B3GALT5: variants seen among roughly 807,000 people sequenced by gnomAD.
The protein encoded by B3GALT5 is UDP-Gal:betaGlcNAc beta 1,3-galactosyltransferase, polypeptide 5.
For missense variants in B3GALT5, 328 were observed against 396.6 expected (o/e 0.83, Z 1.47); for synonymous variants, 156 against 158.6 (o/e 0.98, Z 0.12).
rs777709959 is a variant in B3GALT5, at chr21:39,615,725, G to A, written c.-392+2658G>A. ...TTAATTGAAATTGAAGAGAATAATA[G>A]TACTTATTTCATAGGGGTGGTTGTG... On this transcript the variant is annotated intron_variant, in intron 1 of 3. Transcript: ENST00000684187. Among the ~76,000 whole-genome samples the A allele has an allele frequency of 1.6e-4, 25 of 152,162 alleles. 1 individual carries two copies. The highest frequency in any genetic ancestry group is 2.5e-4 in the Non-Finnish European group (17 of 68,030).
chr21:39,640,592 T>C (rs1234321522), intron 1 of B3GALT5, among the ~76,000 whole-genome samples: 2 of 152,204 alleles, frequency 1.3e-5, no homozygotes, highest in East Asian at 3.8e-4. Flanking sequence ...TAAACAATTA[T>C]TTGCCCAGCC....
chr21:39,627,983 C>G (rs536050378), intron 1 of B3GALT5, among the ~76,000 whole-genome samples: 1 of 152,262 alleles, frequency 6.6e-6, no homozygotes, highest in South Asian at 2.1e-4. Flanking sequence ...GGCATTTATA[C>G]TAGTCACAAA....
At chr21:39,624,738 T>C (rs1012600126) in intron 1 of B3GALT5, among the ~76,000 whole-genome samples, 10 of 152,166 alleles carry the variant, frequency 6.6e-5, no homozygotes, top group African/African-American at 2.4e-4. Flanking sequence ...TTTTTCAGAA[T>C]TTGGCTTCTT....
chr21:39,621,617 A>G (rs1175492323), intron 1 of B3GALT5, among the ~76,000 whole-genome samples: 1 of 151,934 alleles, frequency 6.6e-6, no homozygotes, highest in African/African-American at 2.4e-5. Context: ...TTGTTTATTC[A>G]GGTTCTATTC....
Position 39,648,174 on chromosome 21 carries a change from A to G in B3GALT5, c.-161+1552A>G, listed in dbSNP as rs192138200. ...ACACTGTGGACGAAATTGTTCAAAT[A>G]AAATCATTCAGTGTTATTTGGGTTA... On this transcript the variant is annotated intron_variant, in intron 2 of 3. Transcript: ENST00000684187. Among the ~76,000 whole-genome samples, 285 of 152,360 alleles carry G rather than the reference A, an allele frequency of 1.9e-3. 4 individuals carry two copies. Among genetic ancestry groups the G allele is most frequent in the African/African-American group, 6.2e-3 (256 of 41,586 alleles).
chr21:39,623,835 C>G (rs1055650400), intron 1 of B3GALT5, among the ~76,000 whole-genome samples: 1 of 152,166 alleles, frequency 6.6e-6, no homozygotes, highest in Non-Finnish European at 1.5e-5. Context: ...CTCATATTTT[C>G]AATTCTGGAA....
In B3GALT5 at chr21:39,665,615, T is replaced by C. The variant is rs2079571148; in HGVS notation, c.*4123T>C. 1 of 152,338 alleles carries C rather than the reference T, an allele frequency of 6.6e-6. No individual in the cohort carries two copies. The highest frequency in any genetic ancestry group is 2.1e-4 in the South Asian group (1 of 4,822). 9.4% of individuals were successfully genotyped at this position (152,338 alleles called of 1,614,324 possible). ...CCCTATGTGCCCATCCCCGTCAGCC[T>C]TGGCACTGGCTGTCCTCTCTGCTGG... On this transcript the variant is annotated 3_prime_UTR_variant, in exon 4 of 4. Coordinates refer to ENST00000684187, the MANE Select transcript of B3GALT5 (RefSeq NM_001356336.2).
At chr21:39,653,017 T>TTTTTACATATA (rs1569218231) in intron 2 of B3GALT5, among the ~76,000 whole-genome samples, 4 of 152,068 alleles carry the variant, frequency 2.6e-5, no homozygotes, top group Admixed American at 2.0e-4. Flanking sequence ...GCTCAATGAG[T>TTTTTACATATA]TTTTACATAT....
At chr21:39,653,997 A>T (rs895130646) in intron 2 of B3GALT5, among the ~76,000 whole-genome samples, 4 of 152,172 alleles carry the variant, frequency 2.6e-5, no homozygotes, top group Admixed American at 6.5e-5. Flanking sequence ...TTGATACAAT[A>T]ATTTTTTGCA....
chr21:39,656,561 G>A (rs2079446676), intron 2 of B3GALT5, among the ~76,000 whole-genome samples: 2 of 152,156 alleles, frequency 1.3e-5, no homozygotes, highest in Admixed American at 1.3e-4. Context: ...TGGCCTCATA[G>A]TGGGGCTTGG....
At chr21:39,632,429 G>A (rs187399390) in intron 1 of B3GALT5, among the ~76,000 whole-genome samples, 49 of 152,334 alleles carry the variant, frequency 3.2e-4, no homozygotes, top group African/African-American at 1.0e-3. Flanking sequence ...TGCGAGTGGT[G>A]AGTACAGGCT....
chr21:39,633,738 A>T (rs2146192966), intron 1 of B3GALT5, among the ~76,000 whole-genome samples: 1 of 152,348 alleles, frequency 6.6e-6, no homozygotes, highest in African/African-American at 2.4e-5. Context: ...GCATGGATTT[A>T]AGGTGACAGC....
rs577044346 is a variant in B3GALT5, at chr21:39,670,213, G to C, written c.*8721G>C. ...AGCCCGGGGGCGCCACACTCAGACTGTGTGTGTGTGTGTGTGTGTGTGTAT... is the reference window on the plus strand; with the variant it reads ...AGCCCGGGGGCGCCACACTCAGACTCTGTGTGTGTGTGTGTGTGTGTGTAT... On this transcript the variant is annotated 3_prime_UTR_variant, in exon 4 of 4. Coordinates refer to ENST00000684187, the MANE Select transcript of B3GALT5 (RefSeq NM_001356336.2). 7.2e-6 allele frequency: 1 copy of C among 138,258 alleles called. No individual in the cohort carries two copies. Among genetic ancestry groups the C allele is most frequent in the Admixed American group, 6.9e-5 (1 of 14,556 alleles). 8.6% of individuals were successfully genotyped at this position (138,258 alleles called of 1,614,324 possible).
chr21:39,668,005 T>A lies in B3GALT5; in HGVS notation c.*6513T>A, dbSNP rs1024702176. 1 of 152,284 alleles carries A rather than the reference T, an allele frequency of 6.6e-6. No homozygotes were observed. The highest frequency in any genetic ancestry group is 2.4e-5 in the African/African-American group (1 of 41,468). The allele number at this position is 152,284 out of a possible 1,614,324, so 9.4% of individuals were successfully genotyped here. A position where few individuals can be genotyped will look rare whatever the true frequency, so the allele number is the denominator to read the frequency against. ...GGTGTGGAAATTAAGATAATTCACA[T>A]TGAGTTCTTGGCACGGCTGTGCCTA... On this transcript the variant is annotated 3_prime_UTR_variant, in exon 4 of 4. Transcript: ENST00000684187.
At chr21:39,617,086 C>G (rs923484397) in intron 1 of B3GALT5, among the ~76,000 whole-genome samples, 2 of 152,310 alleles carry the variant, frequency 1.3e-5, no homozygotes, top group African/African-American at 4.8e-5. Context: ...TGTCCCCTCC[C>G]TAGTTCTCCC....
In B3GALT5 at chr21:39,671,780, G is replaced by A. The variant is rs577769978; in HGVS notation, c.*10288G>A. On this transcript the variant is annotated 3_prime_UTR_variant, in exon 4 of 4. Transcript: ENST00000684187. Reference sequence around the variant, plus strand: ...AAGGATTTGCAGTGTGTGGCCCCTGGGAATGTAGAGGCATGAATTTCTGTC... The same window carrying A: ...AAGGATTTGCAGTGTGTGGCCCCTGAGAATGTAGAGGCATGAATTTCTGTC... The A allele has an allele frequency of 2.0e-5, 3 of 152,234 alleles. No homozygotes were observed. Among genetic ancestry groups the A allele is most frequent in the African/African-American group, 7.2e-5 (3 of 41,538 alleles). The allele number at this position is 152,234 out of a possible 1,614,324, so 9.4% of individuals were successfully genotyped here. A position where few individuals can be genotyped will look rare whatever the true frequency, so the allele number is the denominator to read the frequency against.
At chr21:39,621,970 G>C (rs145115993) in intron 1 of B3GALT5, among the ~76,000 whole-genome samples, 2 of 151,024 alleles carry the variant, frequency 1.3e-5, no homozygotes, top group African/African-American at 4.9e-5. Flanking sequence ...CTCTTTTTTC[G>C]TAGCTTCTTG....
At chr21:39,631,222 G>A (rs187535694) in intron 1 of B3GALT5, among the ~76,000 whole-genome samples, 3 of 152,350 alleles carry the variant, frequency 2.0e-5, no homozygotes, top group African/African-American at 7.2e-5. Context: ...GGAGGCTGAA[G>A]TCTGAAATGA....
chr21:39,621,345 T>C, intron 1 of B3GALT5, among the ~76,000 whole-genome samples: 1 of 152,216 alleles, frequency 6.6e-6, no homozygotes, highest in East Asian at 1.9e-4. Flanking sequence ...AGTGCATTTC[T>C]TGTGTTTTAT....
Sources: gnomAD v4.1 joint callset for allele counts (sites outside exome capture counted in the v4.1 genomes callset) on GRCh38, gnomAD v4.1.1 for gene constraint, MANE v1.5 for transcripts, NCBI Gene and HGNC (gene_info 2026-07-23, HGNC 2026-07-21) for gene names.